APBB2: variants seen among roughly 807,000 people sequenced by gnomAD.
APBB2 encodes amyloid beta precursor protein binding family B member 2.
A neutral mutation model predicts 82.5 loss-of-function variants in APBB2; 38 were observed. The ratio of observed to expected loss-of-function variants is 0.46; its 90% confidence interval spans 0.36 to 0.60. The LOEUF is 0.60. APBB2 is among the 20% of genes least tolerant of loss of function. The pLI, the probability that APBB2 is intolerant of heterozygous loss-of-function variation, is 0.00. For missense variants in APBB2, 772 were observed against 972.3 expected (o/e 0.79, Z 2.74); for synonymous variants, 341 against 368.2 (o/e 0.93, Z 0.85).
At chr4:41,036,966 T>C (rs1719438245) in intron 4 of APBB2, among the ~76,000 whole-genome samples, 1 of 152,214 alleles carries the variant, frequency 6.6e-6, no homozygotes, top group Non-Finnish European at 1.5e-5. Flanking sequence ...ATACAAATGA[T>C]GGCTTTTAAG....
Position 40,810,567 on chromosome 4 carries a change from G to C in APBB2, c.*5525C>G, listed in dbSNP as rs1459370531. ...CACTCCAGCCTGGGAAGCAGAGTGA[G>C]ACCTTGCCTCAAAAAAAAAAAAAAA... On this transcript the variant is annotated 3_prime_UTR_variant, in exon 18 of 18. Coordinates refer to ENST00000508593, the MANE Select transcript of APBB2 (RefSeq NM_004307.2). The C allele has an allele frequency of 5.7e-5, 6 of 105,766 alleles. 1 individual carries two copies. The highest frequency in any genetic ancestry group is 3.1e-4 in the South Asian group (1 of 3,216). 6.6% of individuals were successfully genotyped at this position (105,766 alleles called of 1,614,324 possible). A position where few individuals can be genotyped will look rare whatever the true frequency, so the allele number is the denominator to read the frequency against.
chr4:40,905,247 G>C (rs1200393173), intron 10 of APBB2, among the ~76,000 whole-genome samples: 1 of 152,166 alleles, frequency 6.6e-6, no homozygotes. Flanking sequence ...ATGAAGGGCA[G>C]TTCCCAGCCT....
intron 12 of APBB2, among the ~76,000 whole-genome samples, chr4:40,833,764 C>T (rs950946946): frequency 1.8e-4 from 28 of 152,172 alleles, no homozygotes; most frequent in African/African-American, 6.0e-4. Flanking sequence ...CCAAGTCCCT[C>T]CCCGGCTCTG....
At chr4:41,086,639 C>T (rs116257774) in intron 3 of APBB2, among the ~76,000 whole-genome samples, 163 of 152,106 alleles carry the variant, frequency 1.1e-3, no homozygotes, top group African/African-American at 3.8e-3. Context: ...AAACATTCAA[C>T]GAATTAGGAA....
intron 2 of APBB2, among the ~76,000 whole-genome samples, chr4:41,142,631 C>T (rs907717590): frequency 9.9e-5 from 15 of 152,268 alleles, no homozygotes; most frequent in Admixed American, 2.6e-4. Context: ...TGAGGCTGGA[C>T]GCCGCTTTCT....
In APBB2 at chr4:40,992,368, G is replaced by GGT. The variant is rs1553899666; in HGVS notation, c.835+21214_835+21215insAC. Among the ~76,000 whole-genome samples the GGT allele has an allele frequency of 3.4e-5, 5 of 146,112 alleles. 1 individual carries two copies. The highest frequency in any genetic ancestry group is 4.6e-4 in the South Asian group (2 of 4,338). On this transcript the variant is annotated intron_variant, in intron 6 of 17. Coordinates refer to ENST00000508593, the MANE Select transcript of APBB2 (RefSeq NM_004307.2). ...ATTTATTTTTGGTAGAGATGGGGGG[G>GGT]GGTCTTTCTATGTTGCCCATGCTGG...
intron 3 of APBB2, among the ~76,000 whole-genome samples, chr4:41,087,898 A>G (rs915740694): frequency 4.4e-4 from 67 of 152,222 alleles, no homozygotes; most frequent in African/African-American, 1.5e-3. Flanking sequence ...ATAATACCAA[A>G]TAATGGGGGG....
chr4:41,028,127 C>T (rs1389800941), intron 5 of APBB2, among the ~76,000 whole-genome samples: 1 of 152,250 alleles, frequency 6.6e-6, no homozygotes, highest in Non-Finnish European at 1.5e-5. Context: ...TTCCCCTACA[C>T]CCATTCAATC....
At chr4:40,884,136 A>G (rs1769521429) in intron 12 of APBB2, among the ~76,000 whole-genome samples, 2 of 152,200 alleles carry the variant, frequency 1.3e-5, no homozygotes, top group Admixed American at 6.5e-5. Flanking sequence ...TCTCTTGTCA[A>G]GATGAACAGA....
At chr4:41,061,717 T>C (rs1729915552) in intron 4 of APBB2, among the ~76,000 whole-genome samples, 1 of 152,254 alleles carries the variant, frequency 6.6e-6, no homozygotes, top group Non-Finnish European at 1.5e-5. Flanking sequence ...TCTAGCTATT[T>C]ACTTCTTATT....
chr4:40,949,454 C>T (rs535680412), intron 6 of APBB2, among the ~76,000 whole-genome samples: 80 of 152,118 alleles, frequency 5.3e-4, no homozygotes, highest in African/African-American at 1.9e-3. Flanking sequence ...AGTTTAAAAC[C>T]ATAGCTAAGC....
At chr4:40,974,492 G>C (rs749909992) in intron 6 of APBB2, among the ~76,000 whole-genome samples, 2 of 152,146 alleles carry the variant, frequency 1.3e-5, no homozygotes, top group Non-Finnish European at 2.9e-5. Flanking sequence ...GGCATATACA[G>C]CTACTTTTTT....
chr4:40,961,667 T>TAAAAAAAAAAAAAAAAAAAAAAAAA (rs60942744), intron 6 of APBB2, among the ~76,000 whole-genome samples: 27 of 68,242 alleles, frequency 4.0e-4, no homozygotes, highest in East Asian at 1.1e-3. Flanking sequence ...AAAAAAGATG[T>TAAAAAAAAAAAAAAAAAAAAAAAAA]AAAAAAAAAA....
chr4:40,851,603 C>T (rs1759387731), intron 12 of APBB2, among the ~76,000 whole-genome samples: 1 of 151,878 alleles, frequency 6.6e-6, no homozygotes, highest in Non-Finnish European at 1.5e-5. Context: ...TTATTCATCC[C>T]CAGACAAGCT....
intron 6 of APBB2, among the ~76,000 whole-genome samples, chr4:40,982,399 A>G (rs1416718106): frequency 6.3e-4 from 24 of 38,336 alleles, no homozygotes; most frequent in African/African-American, 2.1e-3. Flanking sequence ...AGGAAAGGAA[A>G]GGAAAGAAAG....
In APBB2 at chr4:40,832,013, TACACACACAC is replaced by T. The variant is rs1553930075; in HGVS notation, c.1530-1446_1530-1437del. On this transcript the variant is annotated intron_variant, in intron 12 of 17. Coordinates refer to ENST00000508593, the MANE Select transcript of APBB2 (RefSeq NM_004307.2). The surrounding 1 kb of genome is among the most constrained non-coding windows in gnomAD (Gnocchi z 4.8). ...ACACATATTTATATATTTATTTATA[TACACACACAC>T]ACACACACACACACACACACACACA... 3.5e-3 allele frequency among the ~76,000 whole-genome samples: 486 copies of T among 138,974 alleles called. 3 individuals are homozygous for T. The highest frequency in any genetic ancestry group is 0.012 in the African/African-American group (446 of 37,134). The allele number at this position is 138,974 out of a possible 152,430, so 91.2% of individuals were successfully genotyped here.
At chr4:41,031,428 C>G (rs927413499) in intron 5 of APBB2, among the ~76,000 whole-genome samples, 13 of 152,072 alleles carry the variant, frequency 8.5e-5, no homozygotes, top group Non-Finnish European at 4.4e-5. Context: ...TTCCACTGAA[C>G]TAGGAATACC....
intron 10 of APBB2, among the ~76,000 whole-genome samples, chr4:40,928,489 G>A (rs886747566): frequency 1.2e-4 from 18 of 152,106 alleles, no homozygotes; most frequent in Admixed American, 9.2e-4. Context: ...TGAGGCAGGA[G>A]AATCGATTGA....
At chr4:41,181,309 G>C (rs1771270513) in intron 1 of APBB2, among the ~76,000 whole-genome samples, 1 of 152,074 alleles carries the variant, frequency 6.6e-6, no homozygotes, top group African/African-American at 2.4e-5. Flanking sequence ...TTGCCTTTTT[G>C]GGTCTTCCGC....
Sources: gnomAD v4.1 joint callset for allele counts (sites outside exome capture counted in the v4.1 genomes callset) on GRCh38, gnomAD v4.1.1 for gene constraint, Gnocchi (gnomAD v3.1) non-coding constraint, MANE v1.5 for transcripts, NCBI Gene and HGNC (gene_info 2026-07-23, HGNC 2026-07-21) for gene names.